BEGAIN: variants seen among roughly 807,000 people sequenced by gnomAD.
BEGAIN encodes brain-enriched guanylate kinase-associated protein.
A neutral mutation model predicts 35.8 loss-of-function variants in BEGAIN; 19 were observed. The observed-to-expected ratio is 0.53, with a 90% confidence interval of 0.37 to 0.78. BEGAIN has a LOEUF of 0.78. Among genes scored for constraint, BEGAIN ranks in the 30% least tolerant of loss-of-function variants. The pLI is 0.00. For missense variants in BEGAIN, 795 were observed against 853.6 expected (o/e 0.93, Z 0.85); for synonymous variants, 462 against 388.6 (o/e 1.19, Z -2.22).
At chr14:100,556,509 GC>G (rs1595128923) in intron 2 of BEGAIN, among the ~76,000 whole-genome samples, 2 of 152,160 alleles carry the variant, frequency 1.3e-5, no homozygotes, top group African/African-American at 4.8e-5. Flanking sequence ...GGCACAGGCT[GC>G]CCCCTGCTCA....
At chr14:100,584,304 C>G (rs372642568) in intron 1 of BEGAIN, among the ~76,000 whole-genome samples, 18 of 152,316 alleles carry the variant, frequency 1.2e-4, no homozygotes, top group African/African-American at 3.4e-4. Context: ...CCACCCCAGG[C>G]AGACCACAGA....
chr14:100,576,761 G>A (rs776448329), intron 1 of BEGAIN, among the ~76,000 whole-genome samples: 5 of 152,204 alleles, frequency 3.3e-5, no homozygotes, highest in Non-Finnish European at 7.3e-5. Flanking sequence ...TCCATCACCA[G>A]GACAGCCAAG....
At chr14:100,576,820 C>A (rs574342232) in intron 1 of BEGAIN, among the ~76,000 whole-genome samples, 1 of 152,334 alleles carries the variant, frequency 6.6e-6, no homozygotes, top group South Asian at 2.1e-4. Context: ...CTGTCTGAGG[C>A]CAGAGTGCAT....
chr14:100,542,992 C>T (rs2031855442), intron 5 of BEGAIN, among the ~76,000 whole-genome samples: 1 of 152,104 alleles, frequency 6.6e-6, no homozygotes, highest in African/African-American at 2.4e-5. Flanking sequence ...GGCTCCCCCT[C>T]CCGCTGGGCG....
chr14:100,585,068 A>G (rs2035404766), intron 1 of BEGAIN, among the ~76,000 whole-genome samples: 1 of 152,024 alleles, frequency 6.6e-6, no homozygotes, highest in East Asian at 1.9e-4. Flanking sequence ...GGCTCCTGTA[A>G]CACACCTTGA....
chr14:100,556,335 G>GC (rs34755377), intron 2 of BEGAIN, among the ~76,000 whole-genome samples: 42,066 of 152,118 alleles, frequency 0.28, 6,636 homozygotes, highest in African/African-American at 0.42. Context: ...CCGCAGCCCT[G>GC]CCCCGCTGCC....
chr14:100,551,590 G>A (rs1177455451), intron 2 of BEGAIN, among the ~76,000 whole-genome samples: 1 of 152,228 alleles, frequency 6.6e-6, no homozygotes, highest in African/African-American at 2.4e-5. Context: ...TACCTGGGTG[G>A]TGAAATGCTG....
rs976655319 is a variant in BEGAIN, at chr14:100,567,637, G to C, written c.71+274C>G. On this transcript the variant is annotated intron_variant, in intron 2 of 6. Coordinates refer to ENST00000554140, the MANE Select transcript of BEGAIN (RefSeq NM_001385089.1). The surrounding 1 kb of genome is among the most constrained non-coding windows in gnomAD (Gnocchi z 5.1). Reference sequence around the variant, plus strand: ...GCTGAGGACCGCACAGGACCAGGCGGCCCCGGGTAGGGGGCAGCCCGGCCC... The same window carrying C: ...GCTGAGGACCGCACAGGACCAGGCGCCCCCGGGTAGGGGGCAGCCCGGCCC... 6.6e-6 allele frequency among the ~76,000 whole-genome samples: 1 copy of C among 151,758 alleles called. No homozygotes were observed. The highest frequency in any genetic ancestry group is 2.4e-5 in the African/African-American group (1 of 41,380).
chr14:100,574,852 T>TG (rs1296215163), intron 1 of BEGAIN, among the ~76,000 whole-genome samples: 1 of 152,152 alleles, frequency 6.6e-6, no homozygotes, highest in East Asian at 1.9e-4. Flanking sequence ...GGACTTGCAT[T>TG]GGGGGTGCTG....
intron 5 of BEGAIN, 140 bp downstream of exon 5, chr14:100,543,718 C>T: frequency 1.5e-6 from 1 of 667,338 alleles, no homozygotes; most frequent in Admixed American, 2.4e-5. Context: ...CTGTACCCTG[C>T]ACCAGCCCCT....
rs2033990110 is a variant in BEGAIN, at chr14:100,558,847, G to C, written c.71+9064C>G. Among the ~76,000 whole-genome samples the C allele has an allele frequency of 6.6e-6, 1 of 152,204 alleles. No individual in the cohort carries two copies. Among genetic ancestry groups the C allele is most frequent in the Non-Finnish European group, 1.5e-5 (1 of 68,050 alleles). On this transcript the variant is annotated intron_variant, in intron 2 of 6. Transcript: ENST00000554140. The surrounding 1 kb of genome is among the most constrained non-coding windows in gnomAD (Gnocchi z 4.6). ...CTACTCTCATCTGCTCTCAGCCCGA[G>C]ACCTCCTTGAAACCAACGTCAGACC...
rs2139622852 is a variant in BEGAIN at position 100,558,132 on chromosome 14, C to A, written c.71+9779G>T. Among the ~76,000 whole-genome samples the A allele has an allele frequency of 6.6e-6, 1 of 152,276 alleles. No individual in the cohort carries two copies. Among genetic ancestry groups the A allele is most frequent in the Non-Finnish European group, 1.5e-5 (1 of 68,026 alleles). The stretch of plus-strand genomic sequence containing the variant: ...GCAGGCAAACTCGTGGTTGCTCTTC[C>A]CATATTGAGAACAACCCTCTCTTCA... On this transcript the variant is annotated intron_variant, in intron 2 of 6. Coordinates refer to ENST00000554140, the MANE Select transcript of BEGAIN (RefSeq NM_001385089.1). The surrounding 1 kb of genome is among the most constrained non-coding windows in gnomAD (Gnocchi z 4.6).
At chr14:100,542,024 C>T (rs915776978) in intron 5 of BEGAIN, among the ~76,000 whole-genome samples, 7 of 152,218 alleles carry the variant, frequency 4.6e-5, no homozygotes, top group Admixed American at 6.5e-5. Flanking sequence ...GCCTTAGTTT[C>T]CTCATGTGCA....
rs2035118028 is a variant in BEGAIN at position 100,573,004 on chromosome 14, C to T, written c.43-5065G>A. 6.6e-6 allele frequency among the ~76,000 whole-genome samples: 1 copy of T among 151,916 alleles called. No homozygotes were observed. Among genetic ancestry groups the T allele is most frequent in the Non-Finnish European group, 1.5e-5 (1 of 68,012 alleles). On this transcript the variant is annotated intron_variant, in intron 1 of 6. Coordinates refer to ENST00000554140, the MANE Select transcript of BEGAIN (RefSeq NM_001385089.1). The surrounding 1 kb of genome is among the most constrained non-coding windows in gnomAD (Gnocchi z 4.2). Reference sequence around the variant, plus strand: ...GGAAGACAGACCCCAAGAGATGAATCAGTACACCACCCCTCCCACCCTGTA... The same window carrying T: ...GGAAGACAGACCCCAAGAGATGAATTAGTACACCACCCCTCCCACCCTGTA...
rs572759912 is a variant in BEGAIN at position 100,539,043 on chromosome 14, C to T, written c.765G>A (p.Pro255=). The T allele has an allele frequency of 5.0e-5, 81 of 1,612,282 alleles. No homozygotes were observed. The African/African-American group carries it at 7.5e-4, about 15-fold the overall frequency. Residue 255 remains proline (P), a synonymous_variant, in exon 7 of 7, where the codon CCG becomes CCA. Transcript: ENST00000554140. ...GCCGCCGGTCTCGCCGCCGCTCCTC[C>T]GGGCAGTAGAGGGCTGTGTCACTGC... ...IYCSDTALYC[P]EERRRDRRPS...
chr14:100,570,851 C>T (rs535296165), intron 1 of BEGAIN, among the ~76,000 whole-genome samples: 39 of 152,338 alleles, frequency 2.6e-4, no homozygotes, highest in African/African-American at 7.2e-4. Flanking sequence ...GGTGAGGAAA[C>T]GGAGGCCAGC....
chr14:100,545,534 A>T, intron 3 of BEGAIN: 1 of 711,986 alleles, frequency 1.4e-6, no homozygotes, highest in Non-Finnish European at 1.7e-6. Flanking sequence ...TCTGCCGGGT[A>T]GGAGGAGTGG....
intron 1 of BEGAIN, among the ~76,000 whole-genome samples, chr14:100,575,330 GC>G (rs2035179331): frequency 6.6e-6 from 1 of 152,184 alleles, no homozygotes. Context: ...CAACAGACAA[GC>G]CCCTGTGAAG....
intron 6 of BEGAIN, 140 bp from the exon 7 acceptor site, chr14:100,539,455 A>G (rs375464726): frequency 1.4e-6 from 2 of 1,408,368 alleles, no homozygotes; most frequent in Non-Finnish European, 1.9e-6. Flanking sequence ...CGGCTTCTCA[A>G]ATCACACCAG....
Sources: allele counts gnomAD v4.1 joint callset (sites outside exome capture counted in the v4.1 genomes callset), GRCh38; gene constraint gnomAD v4.1.1; non-coding constraint Gnocchi (gnomAD v3.1); transcripts MANE v1.5; gene names NCBI Gene and HGNC (gene_info 2026-07-23, HGNC 2026-07-21).